Variants in DPYS observed in about 807,000 individuals in gnomAD.
DPYS encodes dihydropyrimidinase.
In DPYS, 39 loss-of-function variants were observed where a neutral mutation model predicts 50.3. The observed-to-expected ratio is 0.78, with a 90% CI of 0.60 to 1.01. The LOEUF (loss-of-function observed/expected upper bound fraction) is 1.01, where lower values mean the gene tolerates loss of function less well. DPYS is among the 50% of genes least tolerant of loss of function. The pLI is 0.00. For missense variants in DPYS, 659 were observed against 680.9 expected (o/e 0.97, Z 0.36); for synonymous variants, 245 against 250.7 (o/e 0.98, Z 0.22).
chr8:104,393,555 A>G (rs1811473536), intron 7 of DPYS, among the ~76,000 whole-genome samples: 1 of 152,234 alleles, frequency 6.6e-6, no homozygotes, highest in South Asian at 2.1e-4. Context: ...TAGCAAAACT[A>G]GAAATTTGAA....
At chr8:104,463,023 A>T (rs112357709) in intron 1 of DPYS, among the ~76,000 whole-genome samples, 3,708 of 152,280 alleles carry the variant, frequency 0.024, 143 homozygotes, top group African/African-American at 0.083. Context: ...TCATTTTTAA[A>T]ATTGAGTCCC....
rs146145978 is a variant in DPYS, at chr8:104,390,945, C to T, written c.1443+1839G>A. 5.3e-5 allele frequency among the ~76,000 whole-genome samples: 8 copies of T among 152,268 alleles called. No individual in the cohort carries two copies. The East Asian group carries it at 1.4e-3, about 26-fold the overall frequency. ...TTTATCACATACATCTTCAGAAACA[C>T]CGAGGATCCTAGGATTCTTATAGTT... On this transcript the variant is annotated intron_variant, in intron 8 of 9. Transcript: ENST00000351513.
chr8:104,452,699 G>C (rs1341721126), intron 1 of DPYS, among the ~76,000 whole-genome samples: 1 of 152,090 alleles, frequency 6.6e-6, no homozygotes, highest in Non-Finnish European at 1.5e-5. Flanking sequence ...AAATTAGCCA[G>C]GCATGGTGGC....
At chr8:104,430,013 T>C (rs983370754) in intron 4 of DPYS, among the ~76,000 whole-genome samples, 3 of 152,194 alleles carry the variant, frequency 2.0e-5, no homozygotes, top group Non-Finnish European at 4.4e-5. Context: ...CCCTACCAGA[T>C]AAATGCTATT....
chr8:104,414,978 G>T (rs897998648), intron 7 of DPYS, among the ~76,000 whole-genome samples: 12 of 152,198 alleles, frequency 7.9e-5, no homozygotes, highest in South Asian at 2.1e-4. Context: ...GAAGTGCTGA[G>T]AATTCTCTTC....
intron 7 of DPYS, among the ~76,000 whole-genome samples, chr8:104,415,974 T>G (rs1812355261): frequency 6.6e-6 from 1 of 152,242 alleles, no homozygotes; most frequent in South Asian, 2.1e-4. Context: ...CAACTGCTAC[T>G]GAACACTAAC....
At chr8:104,452,669 C>G (rs1402795003) in intron 1 of DPYS, among the ~76,000 whole-genome samples, 1 of 152,156 alleles carries the variant, frequency 6.6e-6, no homozygotes, top group East Asian at 1.9e-4. Flanking sequence ...TGGTGAAAAC[C>G]CCGTCTCTAC....
At chr8:104,445,416 C>T (rs1045260923) in intron 3 of DPYS, among the ~76,000 whole-genome samples, 8 of 152,124 alleles carry the variant, frequency 5.3e-5, no homozygotes, top group African/African-American at 1.9e-4. Flanking sequence ...TACATATACA[C>T]AAGGGAGTAC....
At chr8:104,395,961 C>T (rs1588405367) in intron 7 of DPYS, among the ~76,000 whole-genome samples, 1 of 151,644 alleles carries the variant, frequency 6.6e-6, no homozygotes, top group South Asian at 2.1e-4. Flanking sequence ...TAATTTCAAA[C>T]ATTAAGAAGG....
chr8:104,429,618 C>G lies in DPYS; in HGVS notation c.877G>C (p.Ala293Pro). Residue 293 changes from alanine (A) to proline (P), a missense_variant, in exon 5 of 10, where the codon GCC becomes CCC. Transcript: ENST00000351513. ...HYWNKEWHHA[A>P]HHVMGPPLRP... Reference sequence around the variant, plus strand: ...AAAGGTGGACCCATGACATGGTGGGCTGCATGGTGCCATTCTTTATTCCAG... The same window carrying G: ...AAAGGTGGACCCATGACATGGTGGGGTGCATGGTGCCATTCTTTATTCCAG... 6.2e-7 allele frequency: 1 copy of G among 1,614,156 alleles called. No homozygotes were observed. Among genetic ancestry groups the G allele is most frequent in the Non-Finnish European group, 8.5e-7 (1 of 1,180,014 alleles).
chr8:104,424,966 G>A (rs999932065), intron 6 of DPYS, among the ~76,000 whole-genome samples: 1 of 151,704 alleles, frequency 6.6e-6, no homozygotes, highest in Non-Finnish European at 1.5e-5. Flanking sequence ...AAGTAACTGG[G>A]ATTACAGGCA....
intron 7 of DPYS, among the ~76,000 whole-genome samples, chr8:104,409,371 G>A (rs752964257): frequency 3.9e-5 from 6 of 151,994 alleles, no homozygotes; most frequent in Non-Finnish European, 7.4e-5. Flanking sequence ...TGTAATTCCA[G>A]CTACTCAGGA....
At chr8:104,416,186 C>T (rs950638013) in intron 7 of DPYS, among the ~76,000 whole-genome samples, 13 of 152,192 alleles carry the variant, frequency 8.5e-5, no homozygotes, top group Non-Finnish European at 1.9e-4. Context: ...GTACTGCTCC[C>T]CCCCAATAGC....
chr8:104,416,168 A>C (rs771805381), intron 7 of DPYS, among the ~76,000 whole-genome samples: 2 of 151,882 alleles, frequency 1.3e-5, no homozygotes, highest in Non-Finnish European at 2.9e-5. Flanking sequence ...CTTTCTCTTC[A>C]CTCTATGGTA....
At chr8:104,387,464 A>G (rs1307643314) in intron 8 of DPYS, among the ~76,000 whole-genome samples, 3 of 152,136 alleles carry the variant, frequency 2.0e-5, no homozygotes. Context: ...CTCTGTGCAG[A>G]GGGGAGACTG....
intron 7 of DPYS, among the ~76,000 whole-genome samples, chr8:104,396,104 G>A (rs1811576028): frequency 6.6e-6 from 1 of 152,138 alleles, no homozygotes; most frequent in African/African-American, 2.4e-5. Context: ...ATAAAGCTAG[G>A]AAACAATAGA....
Position 104,447,512 on chromosome 8 carries a change from A to G in DPYS, c.424-9T>C. On this transcript the variant is annotated splice_polypyrimidine_tract_variant and intron_variant, in intron 2 of 9. Transcript: ENST00000351513. Reference sequence around the variant, plus strand: ...TTCATTTCTTCTTTAACCTAAAAGGAAGCAGCAACCATAACAACAATATGT... The same window carrying G: ...TTCATTTCTTCTTTAACCTAAAAGGGAGCAGCAACCATAACAACAATATGT... 8 of 1,614,064 alleles carry G rather than the reference A, an allele frequency of 5.0e-6. No individual in the cohort carries two copies. Among genetic ancestry groups the G allele is most frequent in the Non-Finnish European group, 6.8e-6 (8 of 1,179,928 alleles).
chr8:104,399,697 G>C (rs182630378), intron 7 of DPYS, among the ~76,000 whole-genome samples: 1 of 151,646 alleles, frequency 6.6e-6, no homozygotes, highest in East Asian at 1.9e-4. Flanking sequence ...GTGAAACCCC[G>C]TCTCTACTAA....
intron 1 of DPYS, among the ~76,000 whole-genome samples, chr8:104,456,502 T>G (rs74664674): frequency 0.014 from 2,184 of 152,278 alleles, 31 homozygotes; most frequent in Non-Finnish European, 0.022. Flanking sequence ...AACAACCACT[T>G]ATCTTTTGTT....
Sources: allele counts gnomAD v4.1 joint callset (sites outside exome capture counted in the v4.1 genomes callset), GRCh38; gene constraint gnomAD v4.1.1; transcripts MANE v1.5; gene names NCBI Gene and HGNC (gene_info 2026-07-23, HGNC 2026-07-21).